Variants in CDH6 observed in about 807,000 individuals in gnomAD.
CDH6 encodes cadherin 6.
In CDH6, 31 loss-of-function variants were observed where a neutral mutation model predicts 78.0. The ratio of observed to expected loss-of-function variants is 0.40; its 90% CI spans 0.30 to 0.54. CDH6 has a LOEUF of 0.54. CDH6 is among the 20% of genes least tolerant of loss of function. The probability of loss-of-function intolerance (pLI) is 0.56; values close to 1 mark genes in which losing one functional copy is unlikely to be tolerated. For synonymous variants in CDH6, 376 were observed against 368.8 expected (o/e 1.02, Z -0.23); for missense variants, 724 against 975.9 (o/e 0.74, Z 3.44).
rs1260841501 is a variant in CDH6 at position 31,323,413 on chromosome 5, CA to C, written c.*109del. ...GAAGGCTTCTCTGTTCTACCCGTTC[CA>C]AAAGCCAATGGCTGCAGTCCGTGTG... On this transcript the variant is annotated 3_prime_UTR_variant, in exon 12 of 12. Transcript: ENST00000265071. The C allele has an allele frequency of 7.5e-7, 1 of 1,327,670 alleles. No individual in the cohort carries two copies. The highest frequency in any genetic ancestry group is 1.0e-6 in the Non-Finnish European group (1 of 969,778). 82.2% of individuals were successfully genotyped at this position (1,327,670 alleles called of 1,614,324 possible). A position where few individuals can be genotyped will look rare whatever the true frequency, so the allele number is the denominator to read the frequency against.
At chr5:31,299,343 C>T in intron 4 of CDH6, 121 bp from the exon 5 acceptor site, 1 of 698,634 alleles carries the variant, frequency 1.4e-6, no homozygotes, top group Non-Finnish European at 2.4e-6. Context: ...TTTATGTCAC[C>T]ATGACATCTG....
chr5:31,262,436 A>G (rs768579650), intron 1 of CDH6, among the ~76,000 whole-genome samples: 1 of 152,252 alleles, frequency 6.6e-6, no homozygotes, highest in Non-Finnish European at 1.5e-5. Context: ...GATTCCCTGT[A>G]GAAAATAGAA....
chr5:31,270,644 G>A (rs1742503906), intron 2 of CDH6, among the ~76,000 whole-genome samples: 1 of 152,174 alleles, frequency 6.6e-6, no homozygotes, highest in Non-Finnish European at 1.5e-5. Flanking sequence ...GGGGTCTGCA[G>A]AGGTCACGTG....
intron 1 of CDH6, among the ~76,000 whole-genome samples, chr5:31,223,026 C>A (rs893867618): frequency 1.8e-4 from 28 of 152,010 alleles, no homozygotes; most frequent in African/African-American, 6.3e-4. Flanking sequence ...CTCTCTCTTA[C>A]TCTTTCTCTC....
intron 2 of CDH6, among the ~76,000 whole-genome samples, chr5:31,281,655 G>C (rs1487596061): frequency 6.6e-6 from 1 of 152,150 alleles, no homozygotes; most frequent in Admixed American, 6.5e-5. Context: ...TAAACTAAAA[G>C]GCATTTGTTT....
intron 2 of CDH6, among the ~76,000 whole-genome samples, chr5:31,290,748 T>C (rs1170932897): frequency 6.6e-6 from 1 of 151,718 alleles, no homozygotes; most frequent in Admixed American, 6.6e-5. Context: ...CTTTGGGAGG[T>C]TTCTGCTCCG....
At chr5:31,264,070 T>C (rs1461703437) in intron 1 of CDH6, among the ~76,000 whole-genome samples, 2 of 152,254 alleles carry the variant, frequency 1.3e-5, no homozygotes, top group South Asian at 2.1e-4. Context: ...ACACAGTATC[T>C]CTGCCTTCCC....
At chr5:31,213,502 A>G (rs1740775811) in intron 1 of CDH6, among the ~76,000 whole-genome samples, 1 of 152,172 alleles carries the variant, frequency 6.6e-6, no homozygotes. Flanking sequence ...GGAAAACAGC[A>G]GACTGTTAAG....
chr5:31,313,595 A>G, intron 8 of CDH6, 141 bp downstream of exon 8: 1 of 723,992 alleles, frequency 1.4e-6, no homozygotes. Flanking sequence ...AGTGGTTTGC[A>G]GTAATGTTTC....
chr5:31,269,722 A>G (rs1742468247), intron 2 of CDH6, among the ~76,000 whole-genome samples: 1 of 152,284 alleles, frequency 6.6e-6, no homozygotes, highest in Non-Finnish European at 1.5e-5. Context: ...GAAAATACAC[A>G]GAATCATGGC....
At chr5:31,220,919 T>A (rs1740987094) in intron 1 of CDH6, among the ~76,000 whole-genome samples, 1 of 151,274 alleles carries the variant, frequency 6.6e-6, no homozygotes, top group Non-Finnish European at 1.5e-5. Flanking sequence ...GGGATTTTTT[T>A]CCATGGGGCA....
chr5:31,228,412 G>T (rs1469244730), intron 1 of CDH6, among the ~76,000 whole-genome samples: 4 of 152,200 alleles, frequency 2.6e-5, no homozygotes, highest in Non-Finnish European at 4.4e-5. Context: ...GAATCAGCTG[G>T]AGAAGGAAGC....
intron 1 of CDH6, among the ~76,000 whole-genome samples, chr5:31,220,572 C>G (rs1253009112): frequency 4.6e-5 from 7 of 151,992 alleles, no homozygotes; most frequent in Non-Finnish European, 7.4e-5. Flanking sequence ...CAGTCCCTGC[C>G]CTTGAGAAGC....
chr5:31,302,956 AAGGAAAGAAAAG>A (rs376700190), intron 6 of CDH6, among the ~76,000 whole-genome samples: 2,336 of 124,684 alleles, frequency 0.019, 62 homozygotes, highest in Non-Finnish European at 0.024. Context: ...AGAAAGAAAG[AAGGAAAGAAAAG>A]AAAGAAAGAA....
intron 9 of CDH6, among the ~76,000 whole-genome samples, chr5:31,317,096 A>C (rs1738346013): frequency 6.6e-6 from 1 of 152,146 alleles, no homozygotes; most frequent in Non-Finnish European, 1.5e-5. Flanking sequence ...TGATTGTCAC[A>C]CTAGAAGGTG....
chr5:31,259,038 C>T (rs1742138439), intron 1 of CDH6, among the ~76,000 whole-genome samples: 1 of 152,212 alleles, frequency 6.6e-6, no homozygotes, highest in Admixed American at 6.5e-5. Context: ...ATGTTATCCA[C>T]CTCTCAGGAT....
chr5:31,316,398 G>A, intron 9 of CDH6, 69 bp downstream of exon 9: 1 of 1,351,406 alleles, frequency 7.4e-7, no homozygotes, highest in Non-Finnish European at 1.0e-6. Context: ...TCATTCAGAT[G>A]ATTCACAGAG....
chr5:31,267,518 G>A lies in CDH6; in HGVS notation c.45G>A (p.Gln15=), dbSNP rs1223955557. ...TCTTGCTGCTCTTTTGGGTGGGCCA[G>A]CCCTACCCAACTCTCTCAACTCCAC... ...RYFLLLFWVG[Q]PYPTLSTPLS... is the part of the protein sequence containing the mutation. The change falls in exon 2 of 12, where the codon CAG becomes CAA. Residue 15 remains glutamine (Q), a synonymous_variant. Coordinates refer to ENST00000265071, the MANE Select transcript of CDH6 (RefSeq NM_004932.4). 2 of 1,614,036 alleles carry A rather than the reference G, an allele frequency of 1.2e-6. No individual in the cohort carries two copies. The highest frequency in any genetic ancestry group is 3.3e-5 in the Admixed American group (2 of 60,000).
chr5:31,206,924 T>C (rs1012054155), intron 1 of CDH6, among the ~76,000 whole-genome samples: 3 of 152,248 alleles, frequency 2.0e-5, no homozygotes, highest in African/African-American at 7.2e-5. Context: ...TTTATATTTT[T>C]GACGATATGC....
Sources: allele counts gnomAD v4.1 joint callset (sites outside exome capture counted in the v4.1 genomes callset), GRCh38; gene constraint gnomAD v4.1.1; transcripts MANE v1.5; gene names NCBI Gene and HGNC (gene_info 2026-07-23, HGNC 2026-07-21).